GPC6: variants seen among roughly 807,000 people sequenced by gnomAD.
GPC6 encodes glypican 6.
Under a neutral mutation model 55.2 loss-of-function variants are expected in GPC6, and 14 were observed. The ratio of observed to expected loss-of-function variants is 0.25; its 90% CI spans 0.17 to 0.40. The LOEUF (loss-of-function observed/expected upper bound fraction) is 0.40, where lower values mean the gene tolerates loss of function less well. Among genes scored for constraint, GPC6 ranks in the 10% least tolerant of loss-of-function variants. The pLI is 1.00. For synonymous variants in GPC6, 278 were observed against 259.6 expected (o/e 1.07, Z -0.68); for missense variants, 641 against 708.5 (o/e 0.90, Z 1.08).
chr13:93,892,056 TACAC>T (rs1041984707), intron 3 of GPC6, among the ~76,000 whole-genome samples: 1 of 152,118 alleles, frequency 6.6e-6, no homozygotes, highest in African/African-American at 2.4e-5. Context: ...ACACTATACA[TACAC>T]ACTATATATA....
intron 1 of GPC6, among the ~76,000 whole-genome samples, chr13:93,304,684 A>G (rs543741675): frequency 6.6e-6 from 1 of 152,212 alleles, no homozygotes; most frequent in African/African-American, 2.4e-5. Flanking sequence ...CTACTTCACT[A>G]TGGATCTGAG....
intron 1 of GPC6, among the ~76,000 whole-genome samples, chr13:93,369,153 A>G (rs1316204454): frequency 6.6e-6 from 1 of 151,924 alleles, no homozygotes; most frequent in Non-Finnish European, 1.5e-5. Context: ...TGTAGTCTCC[A>G]TTGACACTAC....
chr13:93,712,890 G>A (rs1883121014), intron 2 of GPC6, among the ~76,000 whole-genome samples: 1 of 151,226 alleles, frequency 6.6e-6, no homozygotes, highest in African/African-American at 2.4e-5. Flanking sequence ...GAAGATAATA[G>A]CGTATTTTAA....
rs139388416 is a variant in GPC6 at position 93,722,397 on chromosome 13, T to C, written c.320-107757T>C. Among the ~76,000 whole-genome samples, 120 of 151,922 alleles carry C rather than the reference T, an allele frequency of 7.9e-4. 1 individual carries two copies. Among genetic ancestry groups the C allele is most frequent in the African/African-American group, 2.7e-3 (114 of 41,494 alleles). ...ACAAATACTTCCAAATTTTACTGGA[T>C]TTTTAAGTATTTAAATTAATTTGTT... On this transcript the variant is annotated intron_variant, in intron 2 of 8. Coordinates refer to ENST00000377047, the MANE Select transcript of GPC6 (RefSeq NM_005708.5).
chr13:93,859,563 A>G (rs763681102), intron 3 of GPC6, among the ~76,000 whole-genome samples: 1 of 151,724 alleles, frequency 6.6e-6, no homozygotes, highest in Non-Finnish European at 1.5e-5. Flanking sequence ...TAGTAGTTCT[A>G]TCTTGTAGTA....
chr13:93,978,734 A>T (rs1056549606), intron 3 of GPC6, among the ~76,000 whole-genome samples: 1 of 152,118 alleles, frequency 6.6e-6, no homozygotes, highest in Admixed American at 6.6e-5. Context: ...GGTTTTTCCT[A>T]TAACCTCAAA....
At chr13:94,232,036 C>G (rs941401013) in intron 4 of GPC6, among the ~76,000 whole-genome samples, 3 of 152,138 alleles carry the variant, frequency 2.0e-5, no homozygotes, top group Non-Finnish European at 4.4e-5. Flanking sequence ...GAAGTGTTAG[C>G]TGTGGTGAAT....
intron 6 of GPC6, among the ~76,000 whole-genome samples, chr13:94,357,869 C>T (rs1878871192): frequency 6.6e-6 from 1 of 152,170 alleles, no homozygotes. Context: ...TATACCTCCA[C>T]AGAAGAGAAA....
At chr13:93,338,813 T>C (rs944434240) in intron 1 of GPC6, among the ~76,000 whole-genome samples, 5 of 152,178 alleles carry the variant, frequency 3.3e-5, no homozygotes, top group African/African-American at 1.2e-4. Context: ...ACTATATCAA[T>C]ATATTTTTTT....
At chr13:94,117,217 AC>A (rs1251251849) in intron 4 of GPC6, among the ~76,000 whole-genome samples, 3 of 151,996 alleles carry the variant, frequency 2.0e-5, no homozygotes, top group African/African-American at 2.4e-5. Context: ...CTCATTATGG[AC>A]TCCACCTCAC....
chr13:94,141,908 G>A (rs968528324), intron 4 of GPC6, among the ~76,000 whole-genome samples: 2 of 152,140 alleles, frequency 1.3e-5, no homozygotes, highest in African/African-American at 4.8e-5. Context: ...ATTGCAGTTG[G>A]AGAATTCTCG....
intron 1 of GPC6, among the ~76,000 whole-genome samples, chr13:93,374,639 CTA>C: frequency 6.6e-6 from 1 of 152,120 alleles, no homozygotes; most frequent in Non-Finnish European, 1.5e-5. Context: ...TTTAATAATT[CTA>C]TGTCTTTCAA....
chr13:94,259,952 G>C (rs75717984), intron 4 of GPC6, among the ~76,000 whole-genome samples: 5,207 of 152,122 alleles, frequency 0.034, 121 homozygotes, highest in East Asian at 0.07. Context: ...TCTACCAATA[G>C]ACTTTGTGTT....
intron 2 of GPC6, among the ~76,000 whole-genome samples, chr13:93,683,536 C>G (rs891185851): frequency 6.6e-6 from 1 of 152,144 alleles, no homozygotes; most frequent in African/African-American, 2.4e-5. Context: ...CGTTAGCCAT[C>G]AAAAGGCCCA....
At chr13:94,067,345 G>T (rs1304757271) in intron 4 of GPC6, among the ~76,000 whole-genome samples, 1 of 152,088 alleles carries the variant, frequency 6.6e-6, no homozygotes, top group African/African-American at 2.4e-5. Flanking sequence ...AAAGATATTT[G>T]ATCAAGATAC....
intron 2 of GPC6, among the ~76,000 whole-genome samples, chr13:93,802,071 C>T (rs1193076666): frequency 6.6e-6 from 1 of 152,050 alleles, no homozygotes; most frequent in African/African-American, 2.4e-5. Context: ...TAAAAGTTCC[C>T]AGTAGTTTTA....
chr13:94,164,089 A>G (rs770089204), intron 4 of GPC6, among the ~76,000 whole-genome samples: 1 of 152,224 alleles, frequency 6.6e-6, no homozygotes, highest in Non-Finnish European at 1.5e-5. Context: ...AAGACTTTAG[A>G]TCACTGACCA....
intron 4 of GPC6, among the ~76,000 whole-genome samples, chr13:94,058,830 A>G (rs1594702469): frequency 6.6e-6 from 1 of 152,198 alleles, no homozygotes; most frequent in Non-Finnish European, 1.5e-5. Context: ...CCAAATTCTG[A>G]TAAGTTAGAA....
At chr13:94,039,059 A>G (rs1368532928) in intron 4 of GPC6, among the ~76,000 whole-genome samples, 1 of 151,878 alleles carries the variant, frequency 6.6e-6, no homozygotes, top group Non-Finnish European at 1.5e-5. Flanking sequence ...TGGTGACACC[A>G]GGGGGGGAAA....
Sources: allele counts gnomAD v4.1 joint callset (sites outside exome capture counted in the v4.1 genomes callset), GRCh38; gene constraint gnomAD v4.1.1; transcripts MANE v1.5; gene names NCBI Gene and HGNC (gene_info 2026-07-23, HGNC 2026-07-21).